The following WAC variants were observed in gnomAD, a reference collection of about 807,000 sequenced individuals.
WAC encodes WW domain-containing adapter protein with coiled-coil.
In WAC, 11 loss-of-function variants were observed where a neutral mutation model predicts 79.6. The observed-to-expected ratio is 0.14, with a 90% CI of 0.09 to 0.23. The LOEUF (loss-of-function observed/expected upper bound fraction) is 0.23. WAC is among the 10% of genes least tolerant of loss of function. The probability of loss-of-function intolerance (pLI) is 1.00; values close to 1 mark genes in which losing one functional copy is unlikely to be tolerated. For synonymous variants in WAC, 304 were observed against 276.9 expected, an observed-to-expected ratio of 1.10 and a Z score of -0.97; for missense variants, 728 against 773.5, an observed-to-expected ratio of 0.94 and a Z score of 0.70.
intron 3 of WAC, among the ~76,000 whole-genome samples, chr10:28,571,623 G>A (rs1838972020): frequency 6.6e-6 from 1 of 152,214 alleles, no homozygotes; most frequent in Admixed American, 6.5e-5. Flanking sequence ...ATGTAACTCA[G>A]ACAGATGAAA....
At chr10:28,597,267 A>G (rs1029536931) in intron 7 of WAC, among the ~76,000 whole-genome samples, 2 of 152,162 alleles carry the variant, frequency 1.3e-5, no homozygotes, top group Non-Finnish European at 2.9e-5. Context: ...GCAAAGAGAA[A>G]TATTGAGAGA....
In WAC at chr10:28,608,441, C is replaced by G. The variant is rs906413650; in HGVS notation, c.1165+10C>G. On this transcript the variant is annotated intron_variant, in intron 8 of 13. Transcript: ENST00000354911. ...TCTAAAATAAATGAAGGTAAATCTTCATAACAGTTTTTTAAAAATTTATTT... is the reference window on the plus strand; with the variant it reads ...TCTAAAATAAATGAAGGTAAATCTTGATAACAGTTTTTTAAAAATTTATTT... 4 of 1,561,480 alleles carry G rather than the reference C, an allele frequency of 2.6e-6. No homozygotes were observed. Among genetic ancestry groups the G allele is most frequent in the African/African-American group, 1.4e-5 (1 of 72,870 alleles).
chr10:28,558,572 TA>T (rs201525095), intron 3 of WAC, among the ~76,000 whole-genome samples: 7 of 151,824 alleles, frequency 4.6e-5, no homozygotes, highest in East Asian at 1.9e-4. Flanking sequence ...ATATAAATTG[TA>T]AAAAAAAATT....
chr10:28,616,125 C>T, intron 11 of WAC, 48 bp from the exon 12 acceptor site: 1 of 1,427,584 alleles, frequency 7.0e-7, no homozygotes, highest in Non-Finnish European at 9.4e-7. Flanking sequence ...GATAAGGATA[C>T]CCAGAAACTA....
At chr10:28,613,481 A>G (rs1841342354) in intron 10 of WAC, among the ~76,000 whole-genome samples, 1 of 152,210 alleles carries the variant, frequency 6.6e-6, no homozygotes, top group Non-Finnish European at 1.5e-5. Flanking sequence ...ACTTGAGAGT[A>G]GGCAACCAGA....
rs1837618715 is a variant in WAC at position 28,550,677 on chromosome 10, A to G, written c.274+14920A>G. On this transcript the variant is annotated intron_variant, in intron 3 of 13. Coordinates refer to ENST00000354911, the MANE Select transcript of WAC (RefSeq NM_016628.5). ...GTCCCTCAAACTTTTAAGTGCATTTAAGAGTAAAATCATAAGAATTTACTA... is the reference window on the plus strand; with the variant it reads ...GTCCCTCAAACTTTTAAGTGCATTTGAGAGTAAAATCATAAGAATTTACTA... Among the ~76,000 whole-genome samples the G allele has an allele frequency of 4.6e-5, 7 of 152,336 alleles. No homozygotes were observed. The South Asian group carries it at 1.4e-3, about 32-fold the overall frequency.
At chr10:28,595,244 C>CT (rs1400210222) in intron 6 of WAC, among the ~76,000 whole-genome samples, 1 of 152,148 alleles carries the variant, frequency 6.6e-6, no homozygotes, top group African/African-American at 2.4e-5. Context: ...CTAATTGTAG[C>CT]TTAGTATTCA....
chr10:28,580,517 T>C (rs940056092), intron 3 of WAC, among the ~76,000 whole-genome samples: 1 of 152,220 alleles, frequency 6.6e-6, no homozygotes, highest in Non-Finnish European at 1.5e-5. Context: ...CAAGAATGTG[T>C]GCAAATAAAT....
intron 3 of WAC, among the ~76,000 whole-genome samples, chr10:28,554,012 G>A (rs771997663): frequency 5.9e-5 from 9 of 152,006 alleles, no homozygotes; most frequent in Admixed American, 1.3e-4. Flanking sequence ...GACTACAGGC[G>A]CATACCACCA....
At chr10:28,540,548 A>G (rs543222597) in intron 3 of WAC, among the ~76,000 whole-genome samples, 2 of 152,368 alleles carry the variant, frequency 1.3e-5, no homozygotes, top group South Asian at 4.1e-4. Context: ...ACATGGAAGC[A>G]TGACACAGAT....
chr10:28,617,082 CAAAAAAACAAAAAAAA>C (rs1272532685), intron 12 of WAC, among the ~76,000 whole-genome samples: 1 of 150,552 alleles, frequency 6.6e-6, no homozygotes, highest in East Asian at 2.0e-4. Flanking sequence ...GACTCTGTCT[CAAAAAAACAAAAAAAA>C]ACCCCACTTA....
At chr10:28,535,885 T>A in intron 3 of WAC, 128 bp downstream of exon 3, 1 of 819,016 alleles carries the variant, frequency 1.2e-6, no homozygotes, top group Non-Finnish European at 1.8e-6. Flanking sequence ...TTTAATCCTA[T>A]CATTTTTTTT....
At chr10:28,583,603 C>CTT in intron 4 of WAC, 98 bp downstream of exon 4, 3 of 788,326 alleles carry the variant, frequency 3.8e-6, no homozygotes, top group Middle Eastern at 2.7e-4. Context: ...AATCTAATGT[C>CTT]TTTTTTTTTA....
In WAC at chr10:28,533,494, C is replaced by A; in HGVS notation, c.-86C>A. On this transcript the variant is annotated 5_prime_UTR_variant, in exon 1 of 14. Transcript: ENST00000354911. The stretch of plus-strand genomic sequence containing the variant: ...GCCCAGGTGCCGGGGCTGCCCGCCG[C>A]CCGCCGCCGCCGCCGCCTGCGCGCC... 1 of 888,622 alleles carries A rather than the reference C, an allele frequency of 1.1e-6. No homozygotes were observed. The highest frequency in any genetic ancestry group is 1.4e-6 in the Non-Finnish European group (1 of 723,440). The allele number at this position is 888,622 out of a possible 1,614,324, so 55.0% of individuals were successfully genotyped here.
intron 8 of WAC, 79 bp downstream of exon 8, chr10:28,608,510 A>G (rs1841068830): frequency 1.4e-6 from 2 of 1,379,930 alleles, no homozygotes; most frequent in Non-Finnish European, 1.9e-6. Context: ...CCAGTTTAGG[A>G]ATGGTCTTTG....
chr10:28,580,760 T>C (rs910024186), intron 3 of WAC, among the ~76,000 whole-genome samples: 1 of 152,208 alleles, frequency 6.6e-6, no homozygotes, highest in Non-Finnish European at 1.5e-5. Context: ...ATCTGAAAAG[T>C]AGAAATTTCA....
At chr10:28,596,996 ATAT>A (rs1313763821) in intron 7 of WAC, among the ~76,000 whole-genome samples, 1 of 152,158 alleles carries the variant, frequency 6.6e-6, no homozygotes, top group Non-Finnish European at 1.5e-5. Context: ...ATAGAGACTA[ATAT>A]TTATAGTTGA....
chr10:28,547,847 C>CT (rs200429153), intron 3 of WAC, among the ~76,000 whole-genome samples: 1,932 of 150,114 alleles, frequency 0.013, 45 homozygotes, highest in African/African-American at 0.045. Flanking sequence ...AAGTGTAGGC[C>CT]TTTTTTCGTT....
At chr10:28,598,759 G>A (rs956829707) in intron 7 of WAC, among the ~76,000 whole-genome samples, 8 of 152,168 alleles carry the variant, frequency 5.3e-5, no homozygotes, top group African/African-American at 1.9e-4. Flanking sequence ...TGTCAGTTCG[G>A]ACGCTCGTAA....
Sources: allele counts gnomAD v4.1 joint callset (sites outside exome capture counted in the v4.1 genomes callset), GRCh38; gene constraint gnomAD v4.1.1; transcripts MANE v1.5; gene names NCBI Gene and HGNC (gene_info 2026-07-23, HGNC 2026-07-21).